The following ANTXR2 variants were observed in gnomAD, a reference collection of about 807,000 sequenced individuals.
ANTXR2 encodes the protein ANTXR cell adhesion molecule 2.
In ANTXR2, 44 loss-of-function variants were observed where a neutral mutation model predicts 73.7. The observed-to-expected ratio is 0.60, with a 90% CI of 0.47 to 0.77. ANTXR2 has a LOEUF of 0.77. Ranked by LOEUF, ANTXR2 falls within the 30% of genes least tolerant of loss-of-function variation. The pLI is 0.00. For missense variants in ANTXR2, 604 were observed against 592.5 expected, an observed-to-expected ratio of 1.02 and a Z score of -0.20; for synonymous variants, 217 against 205.9, an observed-to-expected ratio of 1.05 and a Z score of -0.46.
At chr4:79,924,545 A>G (rs1388638280) in intron 16 of ANTXR2, among the ~76,000 whole-genome samples, 2 of 152,142 alleles carry the variant, frequency 1.3e-5, no homozygotes, top group African/African-American at 2.4e-5. Flanking sequence ...AATTTCAATT[A>G]CTATAGCACT....
intron 10 of ANTXR2, among the ~76,000 whole-genome samples, chr4:80,026,660 A>G (rs2110077233): frequency 6.6e-6 from 1 of 152,140 alleles, no homozygotes; most frequent in African/African-American, 2.4e-5. Flanking sequence ...GTATTTCCTT[A>G]TATTGATCTG....
At chr4:79,988,790 T>C (rs1209987914) in intron 12 of ANTXR2, among the ~76,000 whole-genome samples, 1 of 151,872 alleles carries the variant, frequency 6.6e-6, no homozygotes, top group Non-Finnish European at 1.5e-5. Flanking sequence ...ATCATACCAA[T>C]CACACTAGCA....
intron 13 of ANTXR2, among the ~76,000 whole-genome samples, 161 bp downstream of exon 13, chr4:79,984,658 A>C (rs2110020361): frequency 6.6e-6 from 1 of 152,302 alleles, no homozygotes; most frequent in East Asian, 1.9e-4. Flanking sequence ...CACATGAAAT[A>C]AATCATAAGA....
At position 79,959,956 on chromosome 4, in the gene ANTXR2, A is replaced by G. The variant is rs554978112; in HGVS notation, c.1428+17665T>C. Among the ~76,000 whole-genome samples, 35 of 152,324 alleles carry G rather than the reference A, an allele frequency of 2.3e-4. No homozygotes were observed. The South Asian group carries it at 7.3e-3, about 32-fold the overall frequency. ...AGGGAGAGAAATGAAAGAATTAGAG[A>G]AAGATAATGGGAGAGTAATCCCTCT... On this transcript the variant is annotated intron_variant, in intron 16 of 16. Coordinates refer to ENST00000403729, the MANE Select transcript of ANTXR2 (RefSeq NM_058172.6).
chr4:79,978,206 A>G (rs1174767350), intron 14 of ANTXR2, 32 bp from the exon 15 acceptor site: 1 of 1,603,974 alleles, frequency 6.2e-7, no homozygotes, highest in Admixed American at 1.7e-5. Flanking sequence ...CTGTTATCAG[A>G]CATAAAGTGT....
intron 8 of ANTXR2, 113 bp downstream of exon 8, chr4:80,035,859 G>A: frequency 4.8e-6 from 4 of 830,790 alleles, no homozygotes; most frequent in South Asian, 3.4e-5. Flanking sequence ...CAAAAAAGAT[G>A]CCAAAAAAGT....
intron 16 of ANTXR2, among the ~76,000 whole-genome samples, chr4:79,917,556 G>A (rs532397501): frequency 7.2e-5 from 11 of 152,208 alleles, no homozygotes; most frequent in South Asian, 6.2e-4. Flanking sequence ...AGAGACCTCC[G>A]CTGCAACTTT....
intron 7 of ANTXR2, among the ~76,000 whole-genome samples, chr4:80,044,609 T>C (rs1295187338): frequency 1.3e-5 from 2 of 151,870 alleles, no homozygotes; most frequent in Non-Finnish European, 2.9e-5. Flanking sequence ...GAGCTAGACC[T>C]TAGGACTTGA....
chr4:80,067,683 G>C (rs1734570432), intron 3 of ANTXR2, among the ~76,000 whole-genome samples: 1 of 100,068 alleles, frequency 1.0e-5, no homozygotes, highest in Non-Finnish European at 1.9e-5. Flanking sequence ...TCTGGCTCCT[G>C]ATGAGATTCA....
chr4:79,973,585 G>A lies in ANTXR2; in HGVS notation c.1428+4036C>T, dbSNP rs568564077. ...TGGGACTACAGGTGTGCCCCACCAC[G>A]CCTGGCTAATTTTTCTATTTTTTGG... is the stretch of plus-strand genomic sequence containing the variant. On this transcript the variant is annotated intron_variant, in intron 16 of 16. Coordinates refer to ENST00000403729, the MANE Select transcript of ANTXR2 (RefSeq NM_058172.6). Among the ~76,000 whole-genome samples, 4 of 151,992 alleles carry A rather than the reference G, an allele frequency of 2.6e-5. No homozygotes were observed. In the South Asian group the frequency reaches 6.2e-4, roughly 24 times the overall value.
intron 12 of ANTXR2, among the ~76,000 whole-genome samples, chr4:79,993,382 G>A (rs1033147707): frequency 1.2e-4 from 18 of 150,604 alleles, no homozygotes; most frequent in Admixed American, 1.1e-3. Flanking sequence ...AGGGAAGGAA[G>A]GAGATAGACT....
At chr4:79,925,881 TG>T (rs1285311390) in intron 16 of ANTXR2, among the ~76,000 whole-genome samples, 1 of 152,136 alleles carries the variant, frequency 6.6e-6, no homozygotes, top group Non-Finnish European at 1.5e-5. Context: ...GTCATTCAGC[TG>T]TTCTTCAGAC....
Position 79,977,654 on chromosome 4 carries a change from C to T in ANTXR2, c.1395G>A (p.Arg465=), listed in dbSNP as rs35798108. ...LWALLRRQYD[R]VSLMRPQEGD... Reference sequence around the variant, plus strand: ...CTTCCTGAGGTCGCATCAAAGAAACCCGGTCATACTGCCGCCTCAACAAAG... The same window carrying T: ...CTTCCTGAGGTCGCATCAAAGAAACTCGGTCATACTGCCGCCTCAACAAAG... The change falls in exon 16 of 17, where the codon CGG becomes CGA. Residue 465 remains arginine, a synonymous_variant. Coordinates refer to ENST00000403729, the MANE Select transcript of ANTXR2 (RefSeq NM_058172.6). 146,556 of 1,581,246 alleles carry T rather than the reference C, an allele frequency of 0.093. 7,442 individuals carry two copies. The highest frequency in any genetic ancestry group is 0.11 in the Non-Finnish European group (123,836 of 1,162,494).
chr4:80,067,516 G>A (rs1734560704), intron 3 of ANTXR2, among the ~76,000 whole-genome samples: 1 of 152,164 alleles, frequency 6.6e-6, no homozygotes, highest in Non-Finnish European at 1.5e-5. Flanking sequence ...TGCCATAAAT[G>A]TTAAAATGGT....
intron 3 of ANTXR2, among the ~76,000 whole-genome samples, chr4:80,056,383 G>C (rs147751074): frequency 2.6e-5 from 4 of 151,928 alleles, no homozygotes; most frequent in African/African-American, 9.6e-5. Context: ...CAATGACAAA[G>C]CATTTCTGAA....
intron 16 of ANTXR2, 44 bp from the exon 17 acceptor site, chr4:79,907,511 T>C: frequency 6.3e-7 from 1 of 1,585,092 alleles, no homozygotes; most frequent in Non-Finnish European, 8.7e-7. Flanking sequence ...GAAGCCATTA[T>C]TTAAAAAAGC....
At chr4:80,017,623 G>A (rs1197974115) in intron 11 of ANTXR2, among the ~76,000 whole-genome samples, 1 of 152,140 alleles carries the variant, frequency 6.6e-6, no homozygotes, top group Non-Finnish European at 1.5e-5. Context: ...ACAAAGACCT[G>A]TTTTCCTGCT....
chr4:79,977,572 T>C (rs1225522360), intron 16 of ANTXR2, 49 bp downstream of exon 16: 4 of 1,549,328 alleles, frequency 2.6e-6, no homozygotes, highest in Admixed American at 2.0e-5. Flanking sequence ...GCCTCCATTA[T>C]ACTGACTCAA....
chr4:79,962,773 AC>A (rs1282509561), intron 16 of ANTXR2, among the ~76,000 whole-genome samples: 2 of 152,238 alleles, frequency 1.3e-5, no homozygotes, highest in Non-Finnish European at 2.9e-5. Context: ...GCTATATGGC[AC>A]AAAATATTTG....
Sources: gnomAD v4.1 joint callset for allele counts (sites outside exome capture counted in the v4.1 genomes callset) on GRCh38, gnomAD v4.1.1 for gene constraint, MANE v1.5 for transcripts, NCBI Gene and HGNC (gene_info 2026-07-23, HGNC 2026-07-21) for gene names.